CHD9: variants seen among roughly 807,000 people sequenced by gnomAD.
The protein encoded by CHD9 is ATP-dependent chromatin remodeler CHD9.
In CHD9, 77 loss-of-function variants were observed where a neutral mutation model predicts 316.1. That is an observed-to-expected ratio of 0.24 (90% CI 0.20 to 0.29). The LOEUF (loss-of-function observed/expected upper bound fraction) is 0.29, where lower values mean the gene tolerates loss of function less well. CHD9 is among the 10% of genes least tolerant of loss of function. The pLI is 1.00. For missense variants in CHD9, 2,763 were observed against 3,438.1 expected (o/e 0.80, Z 4.91); for synonymous variants, 1,129 against 1,158.3 (o/e 0.97, Z 0.51).
At chr16:53,293,959 A>G (rs919987278) in intron 29 of CHD9, among the ~76,000 whole-genome samples, 4 of 152,142 alleles carry the variant, frequency 2.6e-5, no homozygotes, top group African/African-American at 9.7e-5. Flanking sequence ...AGAAAAAAAA[A>G]AAGAATTATC....
At chr16:53,161,974 G>A (rs765909970) in intron 2 of CHD9, among the ~76,000 whole-genome samples, 5 of 152,038 alleles carry the variant, frequency 3.3e-5, no homozygotes, top group African/African-American at 4.8e-5. Flanking sequence ...GCCTGGTCTC[G>A]AACTCCTGAG....
chr16:53,069,197 G>A (rs917201771), intron 1 of CHD9, among the ~76,000 whole-genome samples: 2 of 152,088 alleles, frequency 1.3e-5, no homozygotes, highest in Admixed American at 6.6e-5. Flanking sequence ...TAGAGACAAG[G>A]TTTCACCATG....
chr16:53,149,943 T>A (rs973934138), intron 1 of CHD9, among the ~76,000 whole-genome samples: 13 of 152,008 alleles, frequency 8.6e-5, no homozygotes, highest in African/African-American at 2.9e-4. Flanking sequence ...TTCTGTGGAA[T>A]ATATTTTTTC....
chr16:53,127,403 A>G (rs942791185), intron 1 of CHD9, among the ~76,000 whole-genome samples: 2 of 152,238 alleles, frequency 1.3e-5, no homozygotes, highest in Admixed American at 1.3e-4. Context: ...CAAAATGCTT[A>G]TATAGGGAAT....
chr16:53,133,388 G>A (rs1055864226), intron 1 of CHD9, among the ~76,000 whole-genome samples: 1 of 152,036 alleles, frequency 6.6e-6, no homozygotes, highest in Non-Finnish European at 1.5e-5. Flanking sequence ...AATCACTTGA[G>A]CCAAGAGTTC....
In CHD9 at chr16:53,190,516, C is replaced by A. The variant is rs186894298; in HGVS notation, c.1453-18966C>A. Among the ~76,000 whole-genome samples, 7 of 152,080 alleles carry A rather than the reference C, an allele frequency of 4.6e-5. No individual in the cohort carries two copies. In the South Asian group the frequency reaches 8.3e-4, roughly 18 times the overall value. On this transcript the variant is annotated intron_variant, in intron 2 of 38. Transcript: ENST00000447540. Reference sequence around the variant, plus strand: ...TCACAATTTCCTGGAATATAACTTACGAAATTTTTTTCTACACAGTTATTT... The same window carrying A: ...TCACAATTTCCTGGAATATAACTTAAGAAATTTTTTTCTACACAGTTATTT...
At chr16:53,213,346 A>G (rs1237211508) in intron 3 of CHD9, among the ~76,000 whole-genome samples, 1 of 152,150 alleles carries the variant, frequency 6.6e-6, no homozygotes, top group African/African-American at 2.4e-5. Flanking sequence ...GGTGTTTTTT[A>G]TGATCTTGGC....
intron 3 of CHD9, among the ~76,000 whole-genome samples, chr16:53,215,574 A>G (rs1201704303): frequency 1.3e-5 from 2 of 152,218 alleles, no homozygotes; most frequent in Non-Finnish European, 2.9e-5. Context: ...GGACTTAAAA[A>G]TAGGCTCAGT....
Position 53,273,782 on chromosome 16 carries a change from A to C in CHD9, c.4874A>C (p.Asn1625Thr). Residue 1625 changes from asparagine to threonine, a missense_variant, in exon 23 of 39, where the codon AAT becomes ACT. Physicochemically the swap from Asn to Thr is moderately conservative, Grantham distance 65. Around this residue, in one of 15 missense-constraint regions of CHD9, gnomAD observed 7 missense variants for 26.4 expected, o/e 0.27. Transcript: ENST00000447540. The stretch of plus-strand genomic sequence containing the variant: ...AAAAAACATATAAAACACCACTGTA[A>C]TAAGTAGGTATAGGGTATTTTAAAC... ...GYKKHIKHHC[N>T]KVLLRVRMLY... The C allele has an allele frequency of 6.2e-7, 1 of 1,608,418 alleles. No individual in the cohort carries two copies. Among genetic ancestry groups the C allele is most frequent in the Non-Finnish European group, 8.5e-7 (1 of 1,176,136 alleles).
At chr16:53,261,176 A>G (rs2051063179) in intron 19 of CHD9, among the ~76,000 whole-genome samples, 1 of 151,758 alleles carries the variant, frequency 6.6e-6, no homozygotes, top group Non-Finnish European at 1.5e-5. Context: ...TATGCGCAAA[A>G]TGTACATTTT....
At chr16:53,247,593 T>G (rs2049743169) in intron 16 of CHD9, 90 bp downstream of exon 16, 1 of 854,058 alleles carries the variant, frequency 1.2e-6, no homozygotes, top group African/African-American at 1.7e-5. Flanking sequence ...TTTACTCATA[T>G]CTTTCTCTTT....
chr16:53,314,141 T>C (rs976325275), intron 34 of CHD9, among the ~76,000 whole-genome samples: 2 of 151,206 alleles, frequency 1.3e-5, no homozygotes, highest in African/African-American at 4.9e-5. Context: ...GAAGAGAAAA[T>C]GTGTGAATAT....
Position 53,238,420 on chromosome 16 carries a change from T to C in CHD9, c.2711T>C (p.Leu904Pro). The change falls in exon 12 of 39, where the codon CTG (leucine) becomes CCG (proline). Residue 904 changes from leucine (L) to proline (P), a missense_variant. Transcript: ENST00000447540. ...ATTACATTCCTCTATGAAATCCTTC[T>C]GACTGGTATAAGAGGACCTTTCCTG... ...QSITFLYEILLTGIRGPFLII... is the reference protein window; with the variant it reads ...QSITFLYEILPTGIRGPFLII... 6.2e-7 allele frequency: 1 copy of C among 1,613,186 alleles called. No homozygotes were observed.
chr16:53,311,244 C>T (rs2153095628), intron 34 of CHD9: 1 of 151,716 alleles, frequency 6.6e-6, no homozygotes. Context: ...CAAGTATTCA[C>T]CCTAGATAGA....
chr16:53,298,550 G>GCAGGACC (rs1246685272), intron 30 of CHD9: 2 of 152,462 alleles, frequency 1.3e-5, no homozygotes, highest in Admixed American at 6.5e-5. Flanking sequence ...AGAGGCGAAG[G>GCAGGACC]CAGGACCCAG....
Position 53,304,187 on chromosome 16 carries a change from G to A in CHD9, c.6181G>A (p.Glu2061Lys), listed in dbSNP as rs2055706847. The A allele has an allele frequency of 2.5e-6, 4 of 1,612,056 alleles. No homozygotes were observed. The East Asian group carries it at 6.7e-5, about 27-fold the overall frequency. ...NLKEEPQSSE[E>K]ESMSSVETRT... ...TAAAGAGGAGCCTCAGTCTTCTGAA[G>A]AAGAATCTATGTCTTCTGTGGAAAC... The change falls in exon 31 of 39, where the codon GAA becomes AAA. Residue 2061 changes from glutamate (E) to lysine (K), a missense_variant. Physicochemically the swap from Glu to Lys is moderately conservative, Grantham distance 56 (BLOSUM62 1). Transcript: ENST00000447540.
At chr16:53,229,985 T>C (rs35500509) in intron 8 of CHD9, among the ~76,000 whole-genome samples, 1 of 152,240 alleles carries the variant, frequency 6.6e-6, no homozygotes, top group Non-Finnish European at 1.5e-5. Flanking sequence ...TATTTTTATC[T>C]GGTCCAGAGT....
intron 1 of CHD9, among the ~76,000 whole-genome samples, chr16:53,124,141 T>C (rs561374354): frequency 3.7e-4 from 56 of 152,244 alleles, no homozygotes; most frequent in Non-Finnish European, 6.6e-4. Context: ...GTTTAACTTT[T>C]TGAAGAACTG....
At chr16:53,232,168 C>T (rs2048231297) in intron 10 of CHD9, among the ~76,000 whole-genome samples, 1 of 152,114 alleles carries the variant, frequency 6.6e-6, no homozygotes, top group South Asian at 2.1e-4. Context: ...AAAAGCATAT[C>T]AGTTTACCCC....
Sources: gnomAD v4.1 joint callset for allele counts (sites outside exome capture counted in the v4.1 genomes callset) on GRCh38, gnomAD v4.1.1 for gene constraint, gnomAD v4.1.1 regional missense constraint, MANE v1.5 for transcripts, NCBI Gene and HGNC (gene_info 2026-07-23, HGNC 2026-07-21) for gene names.